PATJ: variants seen among roughly 807,000 people sequenced by gnomAD.
PATJ encodes the protein PATJ crumbs cell polarity complex component.
A neutral mutation model predicts 224.9 loss-of-function variants in PATJ; 190 were observed. The ratio of observed to expected loss-of-function variants is 0.84; its 90% CI spans 0.75 to 0.95. The LOEUF is 0.95. Among genes scored for constraint, PATJ ranks in the 40% least tolerant of loss-of-function variants. The pLI is 0.00. For synonymous variants in PATJ, 769 were observed against 820.3 expected (o/e 0.94, Z 1.07); for missense variants, 2,121 against 2,270.3 (o/e 0.93, Z 1.34).
chr1:62,155,679 A>G (rs1424832194), intron 43 of PATJ, among the ~76,000 whole-genome samples: 3 of 141,154 alleles, frequency 2.1e-5, no homozygotes, highest in Non-Finnish European at 4.6e-5. Flanking sequence ...CTAAAAATGA[A>G]AAGCTCTGAA....
intron 25 of PATJ, among the ~76,000 whole-genome samples, chr1:61,913,558 T>A (rs1239816769): frequency 6.6e-6 from 1 of 152,246 alleles, no homozygotes; most frequent in Admixed American, 6.5e-5. Context: ...ATGCCAAGAT[T>A]ATCTGTGCTA....
At chr1:62,030,380 A>G (rs1648986679) in intron 29 of PATJ, among the ~76,000 whole-genome samples, 1 of 152,208 alleles carries the variant, frequency 6.6e-6, no homozygotes. Flanking sequence ...TTGAGAAACC[A>G]GGGTTTTAAG....
At chr1:62,145,311 CAATA>C (rs1333554188) in intron 41 of PATJ, among the ~76,000 whole-genome samples, 22 of 152,244 alleles carry the variant, frequency 1.4e-4, no homozygotes, top group African/African-American at 5.3e-4. Flanking sequence ...AAGTGATAGA[CAATA>C]AATAAGATAA....
intron 41 of PATJ, among the ~76,000 whole-genome samples, chr1:62,148,018 G>T (rs1668228376): frequency 6.6e-6 from 1 of 150,950 alleles, no homozygotes; most frequent in East Asian, 2.0e-4. Flanking sequence ...CTACGTGGGA[G>T]GCTGAGGTGG....
chr1:62,135,694 C>T (rs145009705), intron 41 of PATJ, among the ~76,000 whole-genome samples: 1,883 of 152,280 alleles, frequency 0.012, 46 homozygotes, highest in African/African-American at 0.043. Flanking sequence ...TAAAGTCTCA[C>T]CTTCTATTCC....
rs1669818205 is a variant in PATJ at position 62,161,327 on chromosome 1, ATTTCTT to A, written c.*277_*282del. 8 of 133,634 alleles carry A rather than the reference ATTTCTT, an allele frequency of 6.0e-5. No individual in the cohort carries two copies. The highest frequency in any genetic ancestry group is 1.7e-4 in the East Asian group (1 of 5,918). The allele number at this position is 133,634 out of a possible 1,614,324, so 8.3% of individuals were successfully genotyped here. On this transcript the variant is annotated 3_prime_UTR_variant, in exon 44 of 44. Coordinates refer to ENST00000642238, the MANE Select transcript of PATJ (RefSeq NM_001350145.3). Reference sequence around the variant, plus strand: ...TTTTGCATTTAATTTCAGTGTTCCGATTTCTTTTTTTTTTTTTTTTTTTTTTTTTGA... The same window carrying A: ...TTTTGCATTTAATTTCAGTGTTCCGATTTTTTTTTTTTTTTTTTTTTTTGA...
chr1:62,081,151 G>A (rs1659227946), intron 32 of PATJ, among the ~76,000 whole-genome samples: 1 of 152,102 alleles, frequency 6.6e-6, no homozygotes, highest in Admixed American at 6.5e-5. Flanking sequence ...TACCAACAAT[G>A]CATGCTGACT....
intron 9 of PATJ, 137 bp downstream of exon 9, chr1:61,791,584 C>T (rs137981334): frequency 5.3e-5 from 27 of 512,292 alleles, no homozygotes; most frequent in African/African-American, 5.0e-4. Flanking sequence ...CAAGCAGTCA[C>T]TTCTCAGTGA....
intron 27 of PATJ, among the ~76,000 whole-genome samples, chr1:61,970,205 A>AT (rs375939024): frequency 8.6e-5 from 13 of 151,458 alleles, no homozygotes; most frequent in African/African-American, 2.9e-4. Flanking sequence ...AGTAATAGAC[A>AT]TTTTTTCTCT....
intron 29 of PATJ, among the ~76,000 whole-genome samples, chr1:62,027,545 G>A (rs1016314907): frequency 6.8e-6 from 1 of 147,126 alleles, no homozygotes; most frequent in East Asian, 2.0e-4. Flanking sequence ...CCTCCATACT[G>A]TTTTCCATAG....
At chr1:61,934,241 C>T (rs1347904309) in intron 27 of PATJ, among the ~76,000 whole-genome samples, 1 of 152,248 alleles carries the variant, frequency 6.6e-6, no homozygotes, top group Non-Finnish European at 1.5e-5. Context: ...GCCTCAGCCT[C>T]CCAAGTAGCT....
intron 42 of PATJ, among the ~76,000 whole-genome samples, chr1:62,153,119 A>C (rs1668799746): frequency 6.6e-6 from 1 of 152,222 alleles, no homozygotes; most frequent in Admixed American, 6.5e-5. Context: ...TTTAATTAGC[A>C]ATCAGTGAGT....
intron 41 of PATJ, among the ~76,000 whole-genome samples, chr1:62,135,292 G>A (rs1442778174): frequency 6.6e-6 from 1 of 151,996 alleles, no homozygotes; most frequent in Non-Finnish European, 1.5e-5. Context: ...CGAGGTGGGG[G>A]GGATCGCTTC....
intron 20 of PATJ, among the ~76,000 whole-genome samples, chr1:61,871,437 G>GTACATATATATGTATA (rs1557792610): frequency 3.1e-4 from 33 of 107,366 alleles, no homozygotes; most frequent in Non-Finnish European, 4.7e-4. Context: ...ATATATATGT[G>GTACATATATATGTATA]TATATACACA....
chr1:61,938,421 C>G (rs1677229530), intron 27 of PATJ, among the ~76,000 whole-genome samples: 1 of 152,144 alleles, frequency 6.6e-6, no homozygotes, highest in Non-Finnish European at 1.5e-5. Flanking sequence ...AAACAGCTAT[C>G]TATCTGGTAT....
chr1:61,785,145 C>G (rs1046656691), intron 7 of PATJ, among the ~76,000 whole-genome samples: 2 of 152,164 alleles, frequency 1.3e-5, no homozygotes, highest in Admixed American at 1.3e-4. Flanking sequence ...TCGTCTTTAG[C>G]TTGCGGTGGT....
chr1:62,156,774 G>A (rs913353682), intron 43 of PATJ, among the ~76,000 whole-genome samples: 6 of 151,180 alleles, frequency 4.0e-5, no homozygotes, highest in Admixed American at 6.6e-5. Context: ...AAATTAGCTG[G>A]TCATGGTGGC....
chr1:62,028,148 A>C (rs2183996), intron 29 of PATJ, among the ~76,000 whole-genome samples: 329 of 152,078 alleles, frequency 2.2e-3, no homozygotes, highest in African/African-American at 7.5e-3. Flanking sequence ...TTCATTTTGA[A>C]TTTATTTTCA....
intron 41 of PATJ, among the ~76,000 whole-genome samples, chr1:62,143,671 A>G (rs1667729568): frequency 6.6e-6 from 1 of 152,032 alleles, no homozygotes; most frequent in East Asian, 1.9e-4. Flanking sequence ...GCTGGTCTTG[A>G]ACTCTTTACC....
Sources: gnomAD v4.1 joint callset for allele counts (sites outside exome capture counted in the v4.1 genomes callset) on GRCh38, gnomAD v4.1.1 for gene constraint, MANE v1.5 for transcripts, NCBI Gene and HGNC (gene_info 2026-07-23, HGNC 2026-07-21) for gene names.